Variants in INS observed in about 807,000 individuals in gnomAD.
The protein encoded by INS is insulin.
In INS, 6 loss-of-function variants were observed where a neutral mutation model predicts 10.5. The ratio of observed to expected loss-of-function variants is 0.57; its 90% confidence interval spans 0.31 to 1.13. The LOEUF (loss-of-function observed/expected upper bound fraction) is 1.13. Among genes scored for constraint, INS ranks in the 50% most tolerant of loss-of-function variants. The pLI is 0.05. For synonymous variants in INS, 71 were observed against 62.7 expected, an observed-to-expected ratio of 1.13 and a Z score of -0.63; for missense variants, 109 against 138.6, an observed-to-expected ratio of 0.79 and a Z score of 1.07.
chr11:2,159,944 C>T lies in INS; in HGVS notation c.241G>A (p.Ala81Thr). Residue 81 changes from alanine to threonine, a missense_variant, in exon 3 of 3, where the codon GCC (alanine) becomes ACC (threonine). Physicochemically the swap from Ala to Thr is moderately conservative, Grantham distance 58 (BLOSUM62 0). Transcript: ENST00000381330. The stretch of plus-strand genomic sequence containing the variant: ...CGCTTCTGCAGGGACCCCTCCAGGG[C>T]CAAGGGCTGCAGGCTGCCTGCACCA... ...GPGAGSLQPL[A>T]LEGSLQKRGI... The T allele has an allele frequency of 6.3e-7, 1 of 1,596,596 alleles. No individual in the cohort carries two copies. Among genetic ancestry groups the T allele is most frequent in the Non-Finnish European group, 8.5e-7 (1 of 1,173,176 alleles).
rs751889371 is a variant in INS at position 2,159,942 on chromosome 11, G to A, written c.243C>T (p.Ala81=). 1.9e-6 allele frequency: 3 copies of A among 1,597,404 alleles called. No individual in the cohort carries two copies. The highest frequency in any genetic ancestry group is 1.7e-5 in the Admixed American group (1 of 57,362). ...GPGAGSLQPL[A]LEGSLQKRGI... Reference sequence around the variant, plus strand: ...CACGCTTCTGCAGGGACCCCTCCAGGGCCAAGGGCTGCAGGCTGCCTGCAC... The same window carrying A: ...CACGCTTCTGCAGGGACCCCTCCAGAGCCAAGGGCTGCAGGCTGCCTGCAC... Residue 81 remains alanine, a synonymous_variant, in exon 3 of 3, where the codon GCC becomes GCT. Transcript: ENST00000381330.
rs11557610 is a variant in INS at position 2,160,945 on chromosome 11, G to C, written c.27C>G (p.Pro9=). The stretch of plus-strand genomic sequence containing the variant: ...CCCAGAGGGCCAGCAGCGCCAGCAG[G>C]GGCAGGAGGCGCATCCACAGGGCCA... MALWMRLL[P]LLALLALWGP... The change falls in exon 2 of 3, where the codon CCC becomes CCG. Residue 9 remains proline (P), a synonymous_variant. Transcript: ENST00000381330. 2 of 1,612,592 alleles carry C rather than the reference G, an allele frequency of 1.2e-6. No homozygotes were observed. The highest frequency in any genetic ancestry group is 1.1e-5 in the South Asian group (1 of 91,082).
In INS at chr11:2,160,924, G is replaced by A; in HGVS notation, c.48C>T (p.Leu16=). Residue 16 remains leucine, a synonymous_variant, in exon 2 of 3, where the codon CTC becomes CTT. Coordinates refer to ENST00000381330, the MANE Select transcript of INS (RefSeq NM_000207.3). ...AGGCTGCGGCTGGGTCAGGTCCCCA[G>A]AGGGCCAGCAGCGCCAGCAGGGGCA... ...RLLPLLALLA[L]WGPDPAAAFV... 1.2e-6 allele frequency: 2 copies of A among 1,612,632 alleles called. No homozygotes were observed. Among genetic ancestry groups the A allele is most frequent in the South Asian group, 2.2e-5 (2 of 91,088 alleles).
intron 1 of INS, 23 bp from the exon 2 acceptor site, chr11:2,161,011 G>T: frequency 6.2e-7 from 1 of 1,605,152 alleles, no homozygotes; most frequent in Non-Finnish European, 8.5e-7. Flanking sequence ...CAGGGCTGAG[G>T]CAGGCTGAAG....
chr11:2,160,320 G>A (rs956479135), intron 2 of INS, among the ~76,000 whole-genome samples: 4 of 152,216 alleles, frequency 2.6e-5, no homozygotes, highest in Admixed American at 1.3e-4. Flanking sequence ...TGGAGCTGCC[G>A]TGAGGCCTGG....
At position 2,160,849 on chromosome 11, in the gene INS, T is replaced by C. The variant is rs1207563240; in HGVS notation, c.123A>G (p.Leu41=). 1.9e-6 allele frequency: 3 copies of C among 1,612,618 alleles called. No individual in the cohort carries two copies. Among genetic ancestry groups the C allele is most frequent in the East Asian group, 2.2e-5 (1 of 44,846 alleles). The change falls in exon 2 of 3, where the codon CTA becomes CTG. Residue 41 remains leucine, a synonymous_variant. Transcript: ENST00000381330. Reference sequence around the variant, plus strand: ...AGAAGAAGCCTCGTTCCCCGCACACTAGGTAGAGAGCTTCCACCAGGTGTG... The same window carrying C: ...AGAAGAAGCCTCGTTCCCCGCACACCAGGTAGAGAGCTTCCACCAGGTGTG... ...CGSHLVEALY[L]VCGERGFFYT...
chr11:2,160,637 G>A (rs1484433744), intron 2 of INS, 148 bp downstream of exon 2: 10 of 959,874 alleles, frequency 1.0e-5, no homozygotes, highest in African/African-American at 4.9e-5. Context: ...CTTTTAGGAC[G>A]TGACCAAGAG....
chr11:2,161,047 T>A, intron 1 of INS, 59 bp from the exon 2 acceptor site: 2 of 1,559,182 alleles, frequency 1.3e-6, no homozygotes, highest in Non-Finnish European at 1.7e-6. Context: ...TTGGGGCCCC[T>A]GGGCTCACCC....
chr11:2,161,189 T>G lies in INS; in HGVS notation c.-39A>C, dbSNP rs1554921033. 24 of 640,354 alleles carry G rather than the reference T, an allele frequency of 3.7e-5. No homozygotes were observed. In the South Asian group the frequency reaches 4.8e-4, roughly 13 times the overall value. 39.7% of individuals were successfully genotyped at this position (640,354 alleles called of 1,614,324 possible). On this transcript the variant is annotated 5_prime_UTR_variant, in exon 1 of 3. Coordinates refer to ENST00000381330, the MANE Select transcript of INS (RefSeq NM_000207.3). ...AGACCTGCTTGATGGCCTCTTCTGA[T>G]GCAGCCTGTCCTGGAGGGCTGAGGG...
At chr11:2,160,030 G>C (rs1388005180) in intron 2 of INS, 33 bp from the exon 3 acceptor site, 2 of 1,555,374 alleles carry the variant, frequency 1.3e-6, no homozygotes, top group East Asian at 4.7e-5. Flanking sequence ...GCAGGTTCCG[G>C]AACAGCGGCG....
At chr11:2,160,584 G>A (rs983449242) in intron 2 of INS, among the ~76,000 whole-genome samples, 25 of 152,142 alleles carry the variant, frequency 1.6e-4, no homozygotes, top group African/African-American at 1.9e-4. Flanking sequence ...AGCCAACACC[G>A]TCCTCAGGCT....
Position 2,159,840 on chromosome 11 carries a change from T to G in INS, c.*12A>C, listed in dbSNP as rs1308885795. On this transcript the variant is annotated 3_prime_UTR_variant, in exon 3 of 3. Coordinates refer to ENST00000381330, the MANE Select transcript of INS (RefSeq NM_000207.3). ...AGGAGGCGGCGGGTGTGGGGCTGCC[T>G]GCGGGCTGCGTCTAGTTGCAGTAGT... is the stretch of plus-strand genomic sequence containing the variant. 6.2e-7 allele frequency: 1 copy of G among 1,610,240 alleles called. No homozygotes were observed. The highest frequency in any genetic ancestry group is 1.3e-5 in the African/African-American group (1 of 74,844).
At position 2,159,838 on chromosome 11, in the gene INS, C is replaced by T; in HGVS notation, c.*14G>A. The T allele has an allele frequency of 6.2e-7, 1 of 1,610,348 alleles. No homozygotes were observed. The highest frequency in any genetic ancestry group is 8.5e-7 in the Non-Finnish European group (1 of 1,179,034). ...GCAGGAGGCGGCGGGTGTGGGGCTG[C>T]CTGCGGGCTGCGTCTAGTTGCAGTA... On this transcript the variant is annotated 3_prime_UTR_variant, in exon 3 of 3. Transcript: ENST00000381330.
chr11:2,161,001 C>T lies in INS; in HGVS notation c.-17-13G>A, dbSNP rs1367101897. 6.2e-7 allele frequency: 1 copy of T among 1,609,028 alleles called. No homozygotes were observed. The highest frequency in any genetic ancestry group is 1.1e-5 in the South Asian group (1 of 90,904). ...GAAGGACAGTGATCTGGGAGACAGG[C>T]AGGGCTGAGGCAGGCTGAAGGCCAG... On this transcript the variant is annotated splice_polypyrimidine_tract_variant and intron_variant, in intron 1 of 2. Transcript: ENST00000381330.
chr11:2,159,829 G>T lies in INS; in HGVS notation c.*23C>A, dbSNP rs745923821. On this transcript the variant is annotated 3_prime_UTR_variant, in exon 3 of 3. Coordinates refer to ENST00000381330, the MANE Select transcript of INS (RefSeq NM_000207.3). ...TCTCTCGGTGCAGGAGGCGGCGGGT[G>T]TGGGGCTGCCTGCGGGCTGCGTCTA... 5.6e-6 allele frequency: 9 copies of T among 1,609,208 alleles called. No individual in the cohort carries two copies. The highest frequency in any genetic ancestry group is 1.7e-4 in the Middle Eastern group (1 of 6,056).
rs1273080767 is a variant in INS at position 2,159,811 on chromosome 11, G to A, written c.*41C>T. On this transcript the variant is annotated 3_prime_UTR_variant, in exon 3 of 3. Coordinates refer to ENST00000381330, the MANE Select transcript of INS (RefSeq NM_000207.3). ...CAAGGGCTTTATTCCATCTCTCTCGGTGCAGGAGGCGGCGGGTGTGGGGCT... is the reference window on the plus strand; with the variant it reads ...CAAGGGCTTTATTCCATCTCTCTCGATGCAGGAGGCGGCGGGTGTGGGGCT... 1.9e-6 allele frequency: 3 copies of A among 1,603,782 alleles called. No individual in the cohort carries two copies. The highest frequency in any genetic ancestry group is 2.6e-6 in the Non-Finnish European group (3 of 1,175,294).
chr11:2,161,148 C>A lies in INS; in HGVS notation c.-18+20G>T, dbSNP rs539346403. ...CCTGGAATCCTGAGCCCACCTGACG[C>A]AAAGGCCCTTGGAACAGACCTGCTT... On this transcript the variant is annotated intron_variant, in intron 1 of 2. Coordinates refer to ENST00000381330, the MANE Select transcript of INS (RefSeq NM_000207.3). The A allele has an allele frequency of 1.9e-4, 158 of 853,298 alleles. 2 individuals carry two copies. The South Asian group carries it at 2.6e-3, about 14-fold the overall frequency. The allele number at this position is 853,298 out of a possible 1,614,324, so 52.9% of individuals were successfully genotyped here.
intron 2 of INS, 126 bp downstream of exon 2, chr11:2,160,659 A>T (rs1038037058): frequency 1.1e-5 from 13 of 1,179,272 alleles, no homozygotes; most frequent in Middle Eastern, 5.4e-4. Context: ...ACTTCTTTTT[A>T]AAAAAGTGCA....
At chr11:2,160,700 C>A in intron 2 of INS, 85 bp downstream of exon 2, 1 of 1,554,190 alleles carries the variant, frequency 6.4e-7, no homozygotes, top group South Asian at 1.1e-5. Flanking sequence ...CAGCCTCCTG[C>A]CCCCTTCTGC....
Sources: gnomAD v4.1 joint callset for allele counts (sites outside exome capture counted in the v4.1 genomes callset) on GRCh38, gnomAD v4.1.1 for gene constraint, MANE v1.5 for transcripts, NCBI Gene and HGNC (gene_info 2026-07-23, HGNC 2026-07-21) for gene names.